The following STRBP variants were observed in gnomAD, a reference collection of about 807,000 sequenced individuals.
STRBP encodes spermatid perinuclear RNA-binding protein.
Under a neutral mutation model 80.1 loss-of-function variants are expected in STRBP, and 13 were observed. The observed-to-expected ratio is 0.16, with a 90% CI of 0.11 to 0.26. STRBP has a LOEUF of 0.26. STRBP is among the 10% of genes least tolerant of loss of function. STRBP has a pLI of 1.00. For missense variants in STRBP, 485 were observed against 815.2 expected (o/e 0.59, Z 4.93); for synonymous variants, 284 against 291.2 (o/e 0.98, Z 0.25).
intron 1 of STRBP, among the ~76,000 whole-genome samples, chr9:123,258,766 A>T (rs928429071): frequency 6.8e-6 from 1 of 147,092 alleles, no homozygotes; most frequent in East Asian, 2.0e-4. Flanking sequence ...GGGCCACTGC[A>T]CTCCAGCCTG....
At chr9:123,241,419 G>A (rs923707175) in intron 1 of STRBP, among the ~76,000 whole-genome samples, 1 of 152,034 alleles carries the variant, frequency 6.6e-6, no homozygotes, top group African/African-American at 2.4e-5. Context: ...TGAGGTGGGA[G>A]GGTCACTTGA....
intron 1 of STRBP, among the ~76,000 whole-genome samples, chr9:123,258,826 G>A (rs1041350047): frequency 5.4e-5 from 8 of 149,144 alleles, no homozygotes; most frequent in Admixed American, 2.7e-4. Flanking sequence ...AAAAGAATCC[G>A]TAAGAAGACC....
At chr9:123,204,710 G>A (rs2132517705) in intron 2 of STRBP, among the ~76,000 whole-genome samples, 1 of 151,776 alleles carries the variant, frequency 6.6e-6, no homozygotes, top group East Asian at 1.9e-4. Context: ...AAGGTCAGGA[G>A]ATCGAGACCA....
At chr9:123,225,505 C>T (rs1169734916) in intron 2 of STRBP, among the ~76,000 whole-genome samples, 3 of 152,208 alleles carry the variant, frequency 2.0e-5, no homozygotes, top group African/African-American at 7.2e-5. Context: ...TTGGGGAATC[C>T]CCCACCTTAT....
chr9:123,186,260 ATCAC>A (rs1387035821), intron 2 of STRBP, among the ~76,000 whole-genome samples: 2 of 152,292 alleles, frequency 1.3e-5, no homozygotes. Flanking sequence ...AGGTGGAATG[ATCAC>A]TTGAGCCCAG....
chr9:123,159,712 T>C lies in STRBP; in HGVS notation c.724-505A>G, dbSNP rs2037442271. On this transcript the variant is annotated intron_variant, in intron 8 of 18. Coordinates refer to ENST00000348403, the MANE Select transcript of STRBP (RefSeq NM_018387.5). Reference sequence around the variant, plus strand: ...GTTCAATAAACTAAGAACTCATATTTTGTCAAAGTAATCATTGCTACATTC... The same window carrying C: ...GTTCAATAAACTAAGAACTCATATTCTGTCAAAGTAATCATTGCTACATTC... Among the ~76,000 whole-genome samples, 3 of 152,050 alleles carry C rather than the reference T, an allele frequency of 2.0e-5. 1 individual carries two copies. The highest frequency in any genetic ancestry group is 4.1e-4 in the South Asian group (2 of 4,834).
intron 1 of STRBP, among the ~76,000 whole-genome samples, chr9:123,256,126 C>T (rs1290431493): frequency 7.0e-6 from 1 of 142,426 alleles, no homozygotes; most frequent in African/African-American, 2.7e-5. Context: ...TGGGTTCAAG[C>T]AATCCTCCAA....
chr9:123,161,631 G>A (rs1291237831), intron 6 of STRBP, among the ~76,000 whole-genome samples: 1 of 152,000 alleles, frequency 6.6e-6, no homozygotes, highest in Non-Finnish European at 1.5e-5. Flanking sequence ...CCATGATTGA[G>A]AACTCAAGTA....
At chr9:123,226,214 G>A (rs550332405) in intron 2 of STRBP, among the ~76,000 whole-genome samples, 1 of 152,278 alleles carries the variant, frequency 6.6e-6, no homozygotes, top group East Asian at 1.9e-4. Flanking sequence ...TGGTTTCCAG[G>A]AGCAGGAGGT....
In STRBP at chr9:123,115,368, C is replaced by T. The variant is rs551162545; in HGVS notation, c.*84+561G>A. The T allele has an allele frequency of 2.7e-4, 129 of 471,078 alleles. 1 individual carries two copies. The highest frequency in any genetic ancestry group is 1.6e-3 in the Middle Eastern group (5 of 3,078). The allele number at this position is 471,078 out of a possible 1,614,324, so 29.2% of individuals were successfully genotyped here. ...GGAGACCTGGGAACGGGCCTGCCAG[C>T]GCCCAGCCCAGGGCTGGCAAGGAGG... On this transcript the variant is annotated intron_variant and NMD_transcript_variant, in intron 3 of 3. Coordinates refer to the STRBP transcript ENST00000471564. This position sits in a 1 kb window ranked among gnomAD's most constrained non-coding sequence, Gnocchi z 5.0.
intron 6 of STRBP, among the ~76,000 whole-genome samples, chr9:123,164,533 A>T (rs1364836535): frequency 3.3e-5 from 5 of 152,136 alleles, no homozygotes; most frequent in Non-Finnish European, 2.9e-5. Context: ...GTTTCTCTCA[A>T]TGCCTTACAT....
chr9:123,135,328 G>A (rs189803548), intron 16 of STRBP, among the ~76,000 whole-genome samples: 158 of 152,224 alleles, frequency 1.0e-3, no homozygotes, highest in African/African-American at 3.6e-3. Context: ...ATATTCAGAT[G>A]TTATGTTATT....
chr9:123,225,946 C>T (rs1554768265), intron 2 of STRBP, among the ~76,000 whole-genome samples: 1 of 152,228 alleles, frequency 6.6e-6, no homozygotes, highest in Non-Finnish European at 1.5e-5. Context: ...AGCGCTCCCA[C>T]ACCCAAGGTA....
rs2036513293 is a variant in STRBP at position 123,139,775 on chromosome 9, A to G, written c.1339-88T>C. The G allele has an allele frequency of 4.3e-6, 6 of 1,383,068 alleles. No homozygotes were observed. In the Admixed American group the frequency reaches 8.1e-5, roughly 19 times the overall value. 85.7% of individuals were successfully genotyped at this position (1,383,068 alleles called of 1,614,324 possible). ...TATTGAGAACAAAAGTTTCAAATCC[A>G]TAGTGTTTGAACCATAAAACACCTT... On this transcript the variant is annotated intron_variant, in intron 13 of 18. Transcript: ENST00000348403.
intron 2 of STRBP, among the ~76,000 whole-genome samples, chr9:123,207,852 G>T (rs928483681): frequency 9.4e-4 from 143 of 152,060 alleles, no homozygotes; most frequent in African/African-American, 3.3e-3. Context: ...ATATGAGAGA[G>T]ATATTTGTGG....
chr9:123,183,815 A>C (rs973485710), intron 3 of STRBP, among the ~76,000 whole-genome samples: 1 of 152,164 alleles, frequency 6.6e-6, no homozygotes, highest in African/African-American at 2.4e-5. Flanking sequence ...AAAAAACTGA[A>C]CTTAAAGTTA....
At chr9:123,264,238 C>G (rs113015359) in intron 1 of STRBP, among the ~76,000 whole-genome samples, 3 of 152,226 alleles carry the variant, frequency 2.0e-5, no homozygotes, top group African/African-American at 7.2e-5. Flanking sequence ...TCTGGAAATT[C>G]CTGCTTAGAA....
At chr9:123,135,173 C>G (rs186211479) in intron 16 of STRBP, among the ~76,000 whole-genome samples, 10 of 152,256 alleles carry the variant, frequency 6.6e-5, no homozygotes, top group Admixed American at 6.5e-4. Flanking sequence ...GGCCTTGTTT[C>G]CTTACCTGTA....
In STRBP at chr9:123,151,493, G is replaced by A. The variant is rs151081856; in HGVS notation, c.1046-3623C>T. Among the ~76,000 whole-genome samples the A allele has an allele frequency of 1.7e-4, 26 of 152,258 alleles. No individual in the cohort carries two copies. In the East Asian group the frequency reaches 4.8e-3, roughly 28 times the overall value. ...AGAAATCATACAACACATGTTCTTCGATGACAGCAGAATAAGTAAAAACTC... is the reference window on the plus strand; with the variant it reads ...AGAAATCATACAACACATGTTCTTCAATGACAGCAGAATAAGTAAAAACTC... On this transcript the variant is annotated intron_variant, in intron 11 of 18. Transcript: ENST00000348403.
Sources: gnomAD v4.1 joint callset for allele counts (sites outside exome capture counted in the v4.1 genomes callset) on GRCh38, gnomAD v4.1.1 for gene constraint, Gnocchi (gnomAD v3.1) non-coding constraint, MANE v1.5 for transcripts, NCBI Gene and HGNC (gene_info 2026-07-23, HGNC 2026-07-21) for gene names.